The following KRIT1 variants were observed in gnomAD, a reference collection of about 807,000 sequenced individuals.
KRIT1 encodes krev interaction trapped protein 1.
Under a neutral mutation model 95.8 loss-of-function variants are expected in KRIT1, and 45 were observed. That is an observed-to-expected ratio of 0.47 (90% CI 0.37 to 0.60). The LOEUF (loss-of-function observed/expected upper bound fraction) is 0.60. Among genes scored for constraint, KRIT1 ranks in the 20% least tolerant of loss-of-function variants. The pLI, the probability that KRIT1 is intolerant of heterozygous loss-of-function variation, is 0.00. For missense variants in KRIT1, 788 were observed against 877.5 expected (o/e 0.90, Z 1.29); for synonymous variants, 282 against 278.8 (o/e 1.01, Z -0.11).
At chr7:92,226,783 CAAAG>C in intron 10 of KRIT1, 101 bp from the exon 11 acceptor site, 2 of 1,021,632 alleles carry the variant, frequency 2.0e-6, no homozygotes, top group Non-Finnish European at 2.9e-6. Context: ...GATGATATCT[CAAAG>C]AAATCTAAGA....
chr7:92,237,174 A>C (rs1247427084), intron 6 of KRIT1, among the ~76,000 whole-genome samples: 1 of 152,136 alleles, frequency 6.6e-6, no homozygotes, highest in African/African-American at 2.4e-5. Flanking sequence ...ACTGAAACTC[A>C]ATGTGTTTAT....
At chr7:92,230,979 A>C (rs1180604306) in intron 10 of KRIT1, among the ~76,000 whole-genome samples, 1 of 152,230 alleles carries the variant, frequency 6.6e-6, no homozygotes, top group Non-Finnish European at 1.5e-5. Context: ...TATACAGTGA[A>C]GCTCCAAGTG....
In KRIT1 at chr7:92,230,831, G is replaced by A. The variant is rs561243945; in HGVS notation, c.989+3618C>T. Among the ~76,000 whole-genome samples the A allele has an allele frequency of 1.4e-4, 21 of 151,930 alleles. No homozygotes were observed. In the South Asian group the frequency reaches 4.2e-3, roughly 30 times the overall value. The stretch of plus-strand genomic sequence containing the variant: ...CCTTAAATTTTCTTTGAAAATAGGG[G>A]GCAAAAAGGAGTATAGGGATTATGA... On this transcript the variant is annotated intron_variant, in intron 10 of 18. Transcript: ENST00000394505.
intron 13 of KRIT1, 33 bp from the exon 14 acceptor site, chr7:92,222,086 T>C: frequency 6.4e-7 from 1 of 1,570,286 alleles, no homozygotes; most frequent in Non-Finnish European, 8.8e-7. Context: ...TAAATGATAA[T>C]GTAAAAAGTC....
chr7:92,228,193 T>C (rs931809615), intron 10 of KRIT1, among the ~76,000 whole-genome samples: 1 of 152,110 alleles, frequency 6.6e-6, no homozygotes, highest in African/African-American at 2.4e-5. Flanking sequence ...TGAAGAGATG[T>C]TGAAGAGAAG....
chr7:92,206,938 C>CAAAAAAAAAAAAAAAAAGAAAAA, intron 17 of KRIT1: 1 of 73,990 alleles, frequency 1.4e-5, no homozygotes, highest in East Asian at 2.9e-4. Flanking sequence ...CCCAGGCAGA[C>CAAAAAAAAAAAAAAAAAGAAAAA]AAAAAAAAAA....
At chr7:92,218,375 G>A (rs1052778146) in intron 14 of KRIT1, among the ~76,000 whole-genome samples, 19 of 150,136 alleles carry the variant, frequency 1.3e-4, no homozygotes, top group Admixed American at 5.3e-4. Flanking sequence ...GAACCACCAC[G>A]CCTGGCCTAC....
chr7:92,244,928 C>T lies in KRIT1; in HGVS notation c.-177G>A. ...TGGGATCACTGGAAAATATGGAGGG[C>T]ATTTCTGGTTGTCACTATGACTGAT... On this transcript the variant is annotated 5_prime_UTR_variant, in exon 2 of 19. The change abolishes an upstream ATG in the 5' untranslated region. Coordinates refer to ENST00000394505, the MANE Select transcript of KRIT1 (RefSeq NM_194454.3). 6.6e-6 allele frequency: 1 copy of T among 152,090 alleles called. No homozygotes were observed. Among genetic ancestry groups the T allele is most frequent in the Non-Finnish European group, 1.5e-5 (1 of 68,068 alleles). The allele number at this position is 152,090 out of a possible 1,614,324, so 9.4% of individuals were successfully genotyped here.
At chr7:92,201,258 A>C in intron 18 of KRIT1, 49 bp downstream of exon 18, 2 of 875,488 alleles carry the variant, frequency 2.3e-6, no homozygotes, top group Non-Finnish European at 3.9e-6. Flanking sequence ...AAAAAGAAGT[A>C]ACTTTACTAA....
At chr7:92,221,262 C>G (rs941778088) in intron 14 of KRIT1, among the ~76,000 whole-genome samples, 1 of 151,986 alleles carries the variant, frequency 6.6e-6, no homozygotes, top group Non-Finnish European at 1.5e-5. Flanking sequence ...ATGGCAAAAC[C>G]CCGTCTCCGC....
At chr7:92,214,193 A>T (rs888625732) in intron 15 of KRIT1, among the ~76,000 whole-genome samples, 1 of 152,142 alleles carries the variant, frequency 6.6e-6, no homozygotes, top group Admixed American at 6.5e-5. Context: ...ATAACCAGAA[A>T]ATATTTTTGA....
In KRIT1 at chr7:92,234,494, T is replaced by A; in HGVS notation, c.944A>T (p.Asn315Ile). ...TGCCCAGTGGTCACTATCTAACTGG[T>A]TGACTGAAAATCTTTCACTGAGAAG... ...SRLLSERFSV[N>I]QLDSDHWAPI... Residue 315 changes from asparagine (N) to isoleucine (I), a missense_variant, in exon 10 of 19, where the codon AAC (asparagine) becomes ATC (isoleucine). Asn to Ile is a moderately radical substitution (Grantham distance 149, BLOSUM62 -3). Around this residue, in one of 3 missense-constraint regions of KRIT1, gnomAD observed 493 missense variants for 582.3 expected, o/e 0.85. Transcript: ENST00000394505. 1.9e-6 allele frequency: 3 copies of A among 1,611,166 alleles called. No individual in the cohort carries two copies. The highest frequency in any genetic ancestry group is 2.5e-6 in the Non-Finnish European group (3 of 1,177,244).
At position 92,245,794 on chromosome 7, in the gene KRIT1, T is replaced by A. The variant is rs1198358976; in HGVS notation, c.-425A>T. ...GTCGGAGACCCTCCTGCCCACCTGC[T>A]CTTTACTGTCCTTCCCTCTCCTCGC... On this transcript the variant is annotated 5_prime_UTR_variant, in exon 1 of 19. Coordinates refer to ENST00000394505, the MANE Select transcript of KRIT1 (RefSeq NM_194454.3). 1.3e-5 allele frequency: 2 copies of A among 157,276 alleles called. No individual in the cohort carries two copies. The highest frequency in any genetic ancestry group is 2.8e-5 in the Non-Finnish European group (2 of 71,614). 9.7% of individuals were successfully genotyped at this position (157,276 alleles called of 1,614,324 possible).
In KRIT1 at chr7:92,214,853, CA is replaced by C. The variant is rs1322880956; in HGVS notation, c.1564-77del. ...AATGAACAACTTAATATGGGAAAAG[CA>C]AAAGCTACATATTTGTATATAAATG... On this transcript the variant is annotated intron_variant, in intron 14 of 18. Transcript: ENST00000394505. The C allele has an allele frequency of 4.0e-6, 4 of 996,346 alleles. No individual in the cohort carries two copies. In the African/African-American group the frequency reaches 6.5e-5, roughly 16 times the overall value. The allele number at this position is 996,346 out of a possible 1,614,324, so 61.7% of individuals were successfully genotyped here. A position where few individuals can be genotyped will look rare whatever the true frequency, so the allele number is the denominator to read the frequency against.
At position 92,237,000 on chromosome 7, in the gene KRIT1, A is replaced by G. The variant is rs183841091; in HGVS notation, c.356-458T>C. 2.8e-4 allele frequency among the ~76,000 whole-genome samples: 42 copies of G among 152,276 alleles called. No homozygotes were observed. The East Asian group carries it at 7.5e-3, about 27-fold the overall frequency. On this transcript the variant is annotated intron_variant, in intron 6 of 18. Transcript: ENST00000394505. Reference sequence around the variant, plus strand: ...CTATCTTACATGATGCTAGTACTCTATAGTTTCCAAGGTGATTTCGTATCT... The same window carrying G: ...CTATCTTACATGATGCTAGTACTCTGTAGTTTCCAAGGTGATTTCGTATCT...
At position 92,245,817 on chromosome 7, in the gene KRIT1, C is replaced by T. The variant is rs1035295989; in HGVS notation, c.-448G>A. The T allele has an allele frequency of 3.6e-5, 6 of 168,734 alleles. No individual in the cohort carries two copies. The highest frequency in any genetic ancestry group is 1.3e-4 in the Admixed American group (2 of 15,360). The allele number at this position is 168,734 out of a possible 1,614,324, so 10.5% of individuals were successfully genotyped here. On this transcript the variant is annotated 5_prime_UTR_variant, in exon 1 of 19. Transcript: ENST00000394505. ...GCTCTTTACTGTCCTTCCCTCTCCT[C>T]GCACCTCAGCACCATTCACCCCTCA...
intron 17 of KRIT1, among the ~76,000 whole-genome samples, chr7:92,210,619 C>T (rs957975640): frequency 6.6e-6 from 1 of 152,116 alleles, no homozygotes; most frequent in Admixed American, 6.6e-5. Context: ...GGACATTGGT[C>T]TAGGCAAAGA....
intron 14 of KRIT1, among the ~76,000 whole-genome samples, chr7:92,221,197 A>G (rs1186247466): frequency 6.6e-6 from 1 of 152,062 alleles, no homozygotes; most frequent in Non-Finnish European, 1.5e-5. Flanking sequence ...GCCCTTTGGG[A>G]GGCCAAGGTG....
Position 92,225,826 on chromosome 7 carries a change from T to A in KRIT1, c.1148A>T (p.His383Leu). ...AGATCTTCCTTGTTGGTCTGTTATATGCTAGAAATGTGGGTGGGGAGGGGG... is the reference window on the plus strand; with the variant it reads ...AGATCTTCCTTGTTGGTCTGTTATAAGCTAGAAATGTGGGTGGGGAGGGGG... ...ILLNHPETDR[H>L]ITDQQGRSPL... Residue 383 changes from histidine to leucine, a missense_variant and splice_region_variant, in exon 12 of 19, where the codon CAT becomes CTT. This residue lies in a region of KRIT1 where 493 missense variants were observed against 582.3 expected (regional missense o/e 0.85). Coordinates refer to ENST00000394505, the MANE Select transcript of KRIT1 (RefSeq NM_194454.3). 6.5e-7 allele frequency: 1 copy of A among 1,543,438 alleles called. No individual in the cohort carries two copies. Among genetic ancestry groups the A allele is most frequent in the Non-Finnish European group, 9.0e-7 (1 of 1,115,692 alleles).
Sources: allele counts gnomAD v4.1 joint callset (sites outside exome capture counted in the v4.1 genomes callset), GRCh38; gene constraint gnomAD v4.1.1; regional missense constraint gnomAD v4.1.1; transcripts MANE v1.5; gene names NCBI Gene and HGNC (gene_info 2026-07-23, HGNC 2026-07-21).